CREM: variants seen among roughly 807,000 people sequenced by gnomAD.
CREM encodes the protein cAMP responsive element modulator, also known as cAMP-responsive element modulator.
Under a neutral mutation model 37.3 loss-of-function variants are expected in CREM, and 13 were observed. That is an observed-to-expected ratio of 0.35 (90% CI 0.23 to 0.55). The LOEUF is 0.55. Ranked by LOEUF, CREM falls within the 20% of genes least tolerant of loss-of-function variation. The probability of loss-of-function intolerance (pLI) is 0.88; values close to 1 mark genes in which losing one functional copy is unlikely to be tolerated. For synonymous variants in CREM, 124 were observed against 120.2 expected, an observed-to-expected ratio of 1.03 and a Z score of -0.21; for missense variants, 296 against 362.3, an observed-to-expected ratio of 0.82 and a Z score of 1.49.
chr10:35,147,375 TTTTG>T (rs2092253303), intron 2 of CREM, among the ~76,000 whole-genome samples: 1 of 152,006 alleles, frequency 6.6e-6, no homozygotes, highest in Non-Finnish European at 1.5e-5. Flanking sequence ...TAAATTTTAG[TTTTG>T]TTTATTTTGT....
At chr10:35,169,362 T>G (rs1371218135) in intron 3 of CREM, among the ~76,000 whole-genome samples, 2 of 152,166 alleles carry the variant, frequency 1.3e-5, no homozygotes, top group African/African-American at 4.8e-5. Context: ...TTGAAGCAAT[T>G]GTGAATGGGA....
intron 1 of CREM, among the ~76,000 whole-genome samples, chr10:35,136,661 C>A (rs1280949942): frequency 6.6e-6 from 1 of 152,080 alleles, no homozygotes; most frequent in Non-Finnish European, 1.5e-5. Flanking sequence ...TTTAGAAGAA[C>A]CCTTAGGAGG....
intron 6 of CREM, among the ~76,000 whole-genome samples, chr10:35,192,057 T>TCCTGGC (rs559102375): frequency 2.3e-3 from 352 of 152,302 alleles, no homozygotes; most frequent in Middle Eastern, 6.8e-3. Flanking sequence ...CAGCCCTCTG[T>TCCTGGC]CCTGGCCCTG....
rs1054119997 is a variant in CREM, at chr10:35,127,118, G to C, written c.-130G>C. On this transcript the variant is annotated 5_prime_UTR_variant, in exon 1 of 8. Coordinates refer to ENST00000685392, the MANE Select transcript of CREM (RefSeq NM_183011.2). ...GGCGGCGGCGCCGCTGCTGAGCGGC[G>C]GTCGGGCTCGCCGTCTCCACCTCCT... 6.5e-6 allele frequency: 1 copy of C among 152,838 alleles called. No individual in the cohort carries two copies. Among genetic ancestry groups the C allele is most frequent in the African/African-American group, 2.4e-5 (1 of 41,466 alleles). The allele number at this position is 152,838 out of a possible 1,614,324, so 9.5% of individuals were successfully genotyped here.
intron 5 of CREM, among the ~76,000 whole-genome samples, chr10:35,182,793 A>G (rs112886729): frequency 0.023 from 3,577 of 152,352 alleles, 138 homozygotes; most frequent in African/African-American, 0.082. Flanking sequence ...CTGTACCTGC[A>G]GAATCCTCAC....
chr10:35,189,463 A>G (rs12257117), intron 6 of CREM, among the ~76,000 whole-genome samples: 4,697 of 152,198 alleles, frequency 0.031, 247 homozygotes, highest in African/African-American at 0.11. Context: ...TTTAGGATAT[A>G]GCACTATTTT....
intron 3 of CREM, among the ~76,000 whole-genome samples, chr10:35,176,262 T>A (rs17591135): frequency 0.3 from 45,689 of 152,038 alleles, 7,252 homozygotes; most frequent in South Asian, 0.35. Context: ...TCTTCTTCAC[T>A]TTGTTGTTCT....
chr10:35,147,275 G>A (rs112844134), intron 2 of CREM, among the ~76,000 whole-genome samples: 4,521 of 151,776 alleles, frequency 0.03, 224 homozygotes, highest in African/African-American at 0.1. Context: ...GGATGGTCTC[G>A]ATCTCCTGAC....
intron 1 of CREM, 114 bp from the exon 2 acceptor site, chr10:35,137,668 G>C: frequency 2.5e-6 from 1 of 407,478 alleles, no homozygotes; most frequent in Non-Finnish European, 4.3e-6. Context: ...ATAGAAATTA[G>C]AATATTCTTC....
intron 6 of CREM, among the ~76,000 whole-genome samples, chr10:35,192,476 G>A (rs546743277): frequency 6.6e-5 from 10 of 152,248 alleles, no homozygotes; most frequent in African/African-American, 2.4e-4. Context: ...AGCTTCCCGA[G>A]TAGCTGGGAT....
In CREM at chr10:35,211,906, C is replaced by T. The variant is rs2095669826; in HGVS notation, c.*508C>T. On this transcript the variant is annotated 3_prime_UTR_variant, in exon 8 of 8. Coordinates refer to ENST00000685392, the MANE Select transcript of CREM (RefSeq NM_183011.2). ...GGCTTCTTTTCTTTGTATCATTCAT[C>T]TTCTTCTTTAATCACTTAACATTCC... 1 of 1,146,932 alleles carries T rather than the reference C, an allele frequency of 8.7e-7. No individual in the cohort carries two copies. The highest frequency in any genetic ancestry group is 2.6e-5 in the East Asian group (1 of 38,834). 71.0% of individuals were successfully genotyped at this position (1,146,932 alleles called of 1,614,324 possible).
chr10:35,211,421 TTACTC>T lies in CREM; in HGVS notation c.*26_*30del. ...TAACTGTCTTTGACTTGGACCTTGT[TTACTC>T]TAATCAAGGCAGGAGATGCAGCAGT... On this transcript the variant is annotated 3_prime_UTR_variant, in exon 8 of 8. Transcript: ENST00000685392. 1.9e-6 allele frequency: 3 copies of T among 1,608,732 alleles called. No individual in the cohort carries two copies. Among genetic ancestry groups the T allele is most frequent in the South Asian group, 1.1e-5 (1 of 90,228 alleles).
In CREM at chr10:35,206,981, A is replaced by G; in HGVS notation, c.685A>G (p.Ser229Gly). ...AGTGGTGATGGCTGCATCGCCCGGA[A>G]GTTTGCACAGTCCCCAGCAGCTGGC... ...QGVVMAASPGSLHSPQQLAEE... is the reference protein window; with the variant it reads ...QGVVMAASPGGLHSPQQLAEE... Residue 229 changes from serine to glycine, a missense_variant, in exon 7 of 8, where the codon AGT (serine) becomes GGT (glycine). Ser to Gly is a moderately conservative substitution (Grantham distance 56). Around this residue, in one of 2 missense-constraint regions of CREM, gnomAD observed 257 missense variants for 280.2 expected, o/e 0.92. Coordinates refer to ENST00000685392, the MANE Select transcript of CREM (RefSeq NM_183011.2). 6.2e-7 allele frequency: 1 copy of G among 1,614,136 alleles called. No individual in the cohort carries two copies. The highest frequency in any genetic ancestry group is 2.2e-5 in the East Asian group (1 of 44,890).
At position 35,211,570 on chromosome 10, in the gene CREM, A is replaced by G; in HGVS notation, c.*172A>G. On this transcript the variant is annotated 3_prime_UTR_variant, in exon 8 of 8. Coordinates refer to ENST00000685392, the MANE Select transcript of CREM (RefSeq NM_183011.2). ...TTCCAGGATGTGGAATGCAGCCGTGATCACACTTACCGAGCTTACTTTGAT... is the reference window on the plus strand; with the variant it reads ...TTCCAGGATGTGGAATGCAGCCGTGGTCACACTTACCGAGCTTACTTTGAT... 1 of 1,539,700 alleles carries G rather than the reference A, an allele frequency of 6.5e-7. No homozygotes were observed. The highest frequency in any genetic ancestry group is 8.8e-7 in the Non-Finnish European group (1 of 1,137,534).
chr10:35,210,125 C>T (rs2095633087), intron 7 of CREM, among the ~76,000 whole-genome samples: 1 of 151,310 alleles, frequency 6.6e-6, no homozygotes, highest in Admixed American at 6.6e-5. Flanking sequence ...GCTGGCATTA[C>T]AGAAACTGGT....
intron 3 of CREM, among the ~76,000 whole-genome samples, chr10:35,154,730 T>G (rs190422548): frequency 9.4e-4 from 143 of 152,252 alleles, no homozygotes; most frequent in African/African-American, 3.1e-3. Flanking sequence ...TTTCAATAAA[T>G]GCTAAATCTG....
intron 6 of CREM, among the ~76,000 whole-genome samples, chr10:35,195,606 G>A (rs962431450): frequency 7.9e-5 from 12 of 152,088 alleles, no homozygotes; most frequent in East Asian, 5.8e-4. Flanking sequence ...CAATCTAGCC[G>A]CAGATTAAAC....
At chr10:35,135,579 G>A (rs1190972712) in intron 1 of CREM, 2 of 151,848 alleles carry the variant, frequency 1.3e-5, no homozygotes, top group African/African-American at 4.8e-5. Flanking sequence ...TTAGGTATAA[G>A]GAGATCTGCT....
intron 3 of CREM, among the ~76,000 whole-genome samples, chr10:35,156,284 T>G (rs2092910942): frequency 6.6e-6 from 1 of 151,798 alleles, no homozygotes; most frequent in South Asian, 2.1e-4. Flanking sequence ...AGTCTCACTC[T>G]GTCACCCAGG....
Sources: allele counts gnomAD v4.1 joint callset (sites outside exome capture counted in the v4.1 genomes callset), GRCh38; gene constraint gnomAD v4.1.1; regional missense constraint gnomAD v4.1.1; transcripts MANE v1.5; gene names NCBI Gene and HGNC (gene_info 2026-07-23, HGNC 2026-07-21).